Variants in RFTN1 observed in about 807,000 individuals in gnomAD.
RFTN1 encodes raftlin, lipid raft linker 1.
Under a neutral mutation model 46.5 loss-of-function variants are expected in RFTN1, and 26 were observed. The ratio of observed to expected loss-of-function variants is 0.56; its 90% CI spans 0.41 to 0.78. RFTN1 has a LOEUF of 0.78. RFTN1 is among the 30% of genes least tolerant of loss of function. The pLI, the probability that RFTN1 is intolerant of heterozygous loss-of-function variation, is 0.00. For synonymous variants in RFTN1, 261 were observed against 284.2 expected (o/e 0.92, Z 0.82); for missense variants, 693 against 718.7 (o/e 0.96, Z 0.41).
At chr3:16,363,395 G>A (rs763965804) in intron 6 of RFTN1, among the ~76,000 whole-genome samples, 5 of 152,186 alleles carry the variant, frequency 3.3e-5, no homozygotes, top group Non-Finnish European at 7.3e-5. Context: ...CTTCCCTACT[G>A]TGCACAAAAA....
intron 9 of RFTN1, among the ~76,000 whole-genome samples, chr3:16,319,601 C>A (rs11922469): frequency 0.24 from 35,813 of 152,170 alleles, 5,890 homozygotes; most frequent in African/African-American, 0.47. Context: ...ATACTCTCTC[C>A]GGGGCTGCTC....
At chr3:16,333,867 T>C (rs1337012177) in intron 7 of RFTN1, among the ~76,000 whole-genome samples, 1 of 151,942 alleles carries the variant, frequency 6.6e-6, no homozygotes, top group Non-Finnish European at 1.5e-5. Flanking sequence ...ATAAGAAAAA[T>C]GCAAATTAAA....
intron 2 of RFTN1, among the ~76,000 whole-genome samples, chr3:16,477,905 G>A (rs2076308429): frequency 6.6e-6 from 1 of 152,226 alleles, no homozygotes; most frequent in Admixed American, 6.5e-5. Context: ...GAAGTGATGA[G>A]CTCTGCTCAA....
intron 1 of RFTN1, among the ~76,000 whole-genome samples, chr3:16,501,697 T>C (rs2076713221): frequency 6.6e-6 from 1 of 152,230 alleles, no homozygotes; most frequent in Non-Finnish European, 1.5e-5. Context: ...CATTCAGTCA[T>C]CCAAAGTAAG....
chr3:16,355,497 G>A (rs535588495), intron 7 of RFTN1, among the ~76,000 whole-genome samples: 119 of 152,320 alleles, frequency 7.8e-4, no homozygotes, highest in Non-Finnish European at 1.5e-3. Context: ...GCCAAAAAAG[G>A]GGAGGCAGTG....
rs1444202735 is a variant in RFTN1 at position 16,513,552 on chromosome 3, G to C, written c.-119C>G. ...AGAGGAGGCGGCGCGGGGAGGACTTGGGCGCCGGTGGGTGGAGGCGTGGGC... is the reference window on the plus strand; with the variant it reads ...AGAGGAGGCGGCGCGGGGAGGACTTCGGCGCCGGTGGGTGGAGGCGTGGGC... On this transcript the variant is annotated 5_prime_UTR_variant, in exon 1 of 10. Transcript: ENST00000334133. The surrounding 1 kb of genome is among the most constrained non-coding windows in gnomAD (Gnocchi z 5.4). 1.3e-5 allele frequency: 2 copies of C among 152,436 alleles called. No individual in the cohort carries two copies. Among genetic ancestry groups the C allele is most frequent in the African/African-American group, 2.4e-5 (1 of 41,444 alleles). 9.4% of individuals were successfully genotyped at this position (152,436 alleles called of 1,614,324 possible).
chr3:16,454,031 C>T (rs1035630341), intron 2 of RFTN1, among the ~76,000 whole-genome samples: 2 of 152,180 alleles, frequency 1.3e-5, no homozygotes, highest in Non-Finnish European at 2.9e-5. Flanking sequence ...CAGGGGTGAA[C>T]AGGACATGAT....
At chr3:16,467,934 G>T (rs1050419888) in intron 2 of RFTN1, among the ~76,000 whole-genome samples, 1 of 152,098 alleles carries the variant, frequency 6.6e-6, no homozygotes, top group African/African-American at 2.4e-5. Context: ...GTACACTTTG[G>T]GGAAAGAGGG....
chr3:16,512,045 TAG>T lies in RFTN1; in HGVS notation c.-9+1395_-9+1396del, dbSNP rs898514014. The stretch of plus-strand genomic sequence containing the variant: ...GAGGATGCAGAGCTCAGTCTGAGGT[TAG>T]AGTGATTTCACTGAGGTTAGCACAC... On this transcript the variant is annotated intron_variant, in intron 1 of 9. Coordinates refer to ENST00000334133, the MANE Select transcript of RFTN1 (RefSeq NM_015150.2). This position sits in a 1 kb window ranked among gnomAD's most constrained non-coding sequence, Gnocchi z 4.3. Among the ~76,000 whole-genome samples the T allele has an allele frequency of 3.3e-5, 5 of 152,248 alleles. No individual in the cohort carries two copies. In the South Asian group the frequency reaches 8.3e-4, roughly 25 times the overall value.
In RFTN1 at chr3:16,434,399, C is replaced by CA. The variant is rs761065705; in HGVS notation, c.146-363dup. Among the ~76,000 whole-genome samples the CA allele has an allele frequency of 9.2e-4, 103 of 112,268 alleles. 1 individual carries two copies. The highest frequency in any genetic ancestry group is 9.1e-3 in the East Asian group (29 of 3,178). 73.7% of individuals were successfully genotyped at this position (112,268 alleles called of 152,430 possible). On this transcript the variant is annotated intron_variant, in intron 2 of 9. Transcript: ENST00000334133. ...AAACAAACAAACAAACAAACAAAAA[C>CA]AAAAAAACCCCCTCAAAATTAGCCA...
chr3:16,455,272 T>C (rs1203633672), intron 2 of RFTN1, among the ~76,000 whole-genome samples: 1 of 152,218 alleles, frequency 6.6e-6, no homozygotes, highest in Non-Finnish European at 1.5e-5. Context: ...AGAAATGATG[T>C]TATTTTCAGG....
intron 4 of RFTN1, among the ~76,000 whole-genome samples, chr3:16,386,849 C>G (rs898795604): frequency 2.0e-5 from 3 of 152,118 alleles, no homozygotes; most frequent in Non-Finnish European, 4.4e-5. Context: ...TCATAAGAGC[C>G]TACACTTGCT....
rs952423321 is a variant in RFTN1, at chr3:16,361,255, C to T, written c.1031-3208G>A. Among the ~76,000 whole-genome samples, 1 of 152,132 alleles carries T rather than the reference C, an allele frequency of 6.6e-6. No homozygotes were observed. The highest frequency in any genetic ancestry group is 2.4e-5 in the African/African-American group (1 of 41,430). ...GGGTGAGTGACATGTTACTGGAGTT[C>T]AAGTGCACTGAATAACCTTCCAGCC... is the stretch of plus-strand genomic sequence containing the variant. On this transcript the variant is annotated intron_variant, in intron 6 of 9. Coordinates refer to ENST00000334133, the MANE Select transcript of RFTN1 (RefSeq NM_015150.2). The surrounding 1 kb of genome is among the most constrained non-coding windows in gnomAD (Gnocchi z 4.3).
chr3:16,320,388 GT>G lies in RFTN1; in HGVS notation c.1332+2987del, dbSNP rs1489865188. Among the ~76,000 whole-genome samples, 1 of 152,196 alleles carries G rather than the reference GT, an allele frequency of 6.6e-6. No homozygotes were observed. The highest frequency in any genetic ancestry group is 2.4e-5 in the African/African-American group (1 of 41,436). On this transcript the variant is annotated intron_variant, in intron 9 of 9. Transcript: ENST00000334133. The surrounding 1 kb of genome is among the most constrained non-coding windows in gnomAD (Gnocchi z 4.5). Reference sequence around the variant, plus strand: ...CCAATCTTGCAGTTTCTTTTCTTAAGTTTTAATGCTAGACATACTATGTGTG... The same window carrying G: ...CCAATCTTGCAGTTTCTTTTCTTAAGTTTAATGCTAGACATACTATGTGTG...
In RFTN1 at chr3:16,452,610, A is replaced by T. The variant is rs567182878; in HGVS notation, c.146-18573T>A. Among the ~76,000 whole-genome samples the T allele has an allele frequency of 6.6e-6, 1 of 152,360 alleles. No homozygotes were observed. Among genetic ancestry groups the T allele is most frequent in the Admixed American group, 6.5e-5 (1 of 15,304 alleles). ...AAAATGTTTACAATATATACCTTTT[A>T]AAAAATAATTCCCTGTTCCAACCAA... On this transcript the variant is annotated intron_variant, in intron 2 of 9. Transcript: ENST00000334133. This position sits in a 1 kb window ranked among gnomAD's most constrained non-coding sequence, Gnocchi z 6.3.
At chr3:16,472,949 C>T (rs1315883790) in intron 2 of RFTN1, among the ~76,000 whole-genome samples, 1 of 152,208 alleles carries the variant, frequency 6.6e-6, no homozygotes, top group Non-Finnish European at 1.5e-5. Flanking sequence ...CTTTCTCCAA[C>T]AATGGCCTCA....
In RFTN1 at chr3:16,374,218, A is replaced by G. The variant is rs1356284207; in HGVS notation, c.826+3500T>C. ...GTGGATCCCCCAGAAATCACAAGCC[A>G]GTAAGTGGCACAGCCAAGAGTCTTT... On this transcript the variant is annotated intron_variant, in intron 5 of 9. Coordinates refer to ENST00000334133, the MANE Select transcript of RFTN1 (RefSeq NM_015150.2). This position sits in a 1 kb window ranked among gnomAD's most constrained non-coding sequence, Gnocchi z 5.4. Among the ~76,000 whole-genome samples the G allele has an allele frequency of 6.6e-6, 1 of 152,214 alleles. No individual in the cohort carries two copies. Among genetic ancestry groups the G allele is most frequent in the Non-Finnish European group, 1.5e-5 (1 of 68,032 alleles).
chr3:16,462,350 G>A (rs1360540282), intron 2 of RFTN1, among the ~76,000 whole-genome samples: 1 of 152,216 alleles, frequency 6.6e-6, no homozygotes, highest in African/African-American at 2.4e-5. Context: ...CCCAAAGGAT[G>A]TGTCCATGTC....
At chr3:16,437,597 G>A (rs2075541219) in intron 2 of RFTN1, among the ~76,000 whole-genome samples, 1 of 152,082 alleles carries the variant, frequency 6.6e-6, no homozygotes, top group Non-Finnish European at 1.5e-5. Context: ...AGAGGTCAAG[G>A]ATGCAGTGAG....
Sources: gnomAD v4.1 joint callset for allele counts (sites outside exome capture counted in the v4.1 genomes callset) on GRCh38, gnomAD v4.1.1 for gene constraint, Gnocchi (gnomAD v3.1) non-coding constraint, MANE v1.5 for transcripts, NCBI Gene and HGNC (gene_info 2026-07-23, HGNC 2026-07-21) for gene names.